SASH1: variants seen among roughly 807,000 people sequenced by gnomAD.
SASH1 encodes the protein SAM and SH3 domain containing 1.
A neutral mutation model predicts 125.2 loss-of-function variants in SASH1; 44 were observed. The ratio of observed to expected loss-of-function variants is 0.35; its 90% CI spans 0.28 to 0.45. The LOEUF (loss-of-function observed/expected upper bound fraction) is 0.45, where lower values mean the gene tolerates loss of function less well. Ranked by LOEUF, SASH1 falls within the 20% of genes least tolerant of loss-of-function variation. SASH1 has a pLI of 1.00. For missense variants in SASH1, 1,426 were observed against 1,614.5 expected, an observed-to-expected ratio of 0.88 and a Z score of 2.00; for synonymous variants, 639 against 649.1, an observed-to-expected ratio of 0.98 and a Z score of 0.24.
intron 1 of SASH1, among the ~76,000 whole-genome samples, chr6:148,326,905 C>T (rs889145327): frequency 3.3e-5 from 5 of 152,160 alleles, no homozygotes; most frequent in East Asian, 1.9e-4. Context: ...CTACCTCCAC[C>T]GTCACATCCT....
chr6:148,347,470 TACTCCA>T (rs1781558545), intron 1 of SASH1, among the ~76,000 whole-genome samples: 2 of 152,196 alleles, frequency 1.3e-5, no homozygotes, highest in African/African-American at 4.8e-5. Flanking sequence ...TCTTACTATT[TACTCCA>T]TTCCTAAAAA....
chr6:148,231,306 C>A, the SASH1 span, among the ~76,000 whole-genome samples: 12 of 152,310 alleles, frequency 7.9e-5, no homozygotes, highest in African/African-American at 2.9e-4. Context: ...AGGTTTATTT[C>A]TGGACCCTCA....
intron 2 of SASH1, among the ~76,000 whole-genome samples, chr6:148,399,237 TTTTGA>T (rs1784077040): frequency 1.7e-5 from 2 of 117,810 alleles, no homozygotes; most frequent in African/African-American, 6.9e-5. Flanking sequence ...TTTTTTTTTT[TTTTGA>T]GTTTCACTCT....
At chr6:148,300,442 ATTT>A (rs34126353) in intron 1 of SASH1, among the ~76,000 whole-genome samples, 1,707 of 108,206 alleles carry the variant, frequency 0.016, 17 homozygotes, top group Middle Eastern at 0.042. Context: ...CAGAAACAAG[ATTT>A]TTTTTTTTTT....
intron 1 of SASH1, among the ~76,000 whole-genome samples, chr6:148,275,508 CCAGT>C (rs1779160425): frequency 6.6e-6 from 1 of 152,232 alleles, no homozygotes; most frequent in Non-Finnish European, 1.5e-5. Context: ...CTGTGATGCC[CCAGT>C]CAAACTTCCA....
chr6:148,382,920 C>T (rs1369609713), intron 1 of SASH1, among the ~76,000 whole-genome samples: 2 of 152,226 alleles, frequency 1.3e-5, no homozygotes, highest in Non-Finnish European at 2.9e-5. Flanking sequence ...TGACCTAATA[C>T]GTCCCTCTGG....
intron 4 of SASH1, among the ~76,000 whole-genome samples, chr6:148,442,934 C>T (rs960126339): frequency 6.6e-6 from 1 of 151,874 alleles, no homozygotes; most frequent in Non-Finnish European, 1.5e-5. Context: ...CCACCATACC[C>T]GGCTACTATT....
chr6:148,421,202 A>G (rs1209320471), intron 2 of SASH1, among the ~76,000 whole-genome samples: 2 of 140,732 alleles, frequency 1.4e-5, no homozygotes, highest in African/African-American at 2.5e-5. Context: ...AGAAAGAAAG[A>G]AAGAAAGAAA....
At chr6:148,466,050 A>G (rs1201226348) in intron 4 of SASH1, among the ~76,000 whole-genome samples, 2 of 152,054 alleles carry the variant, frequency 1.3e-5, no homozygotes, top group East Asian at 3.9e-4. Flanking sequence ...TGAAATGGCT[A>G]CCTCCTAAAA....
At chr6:148,436,622 C>T (rs566889269) in intron 2 of SASH1, among the ~76,000 whole-genome samples, 1 of 152,366 alleles carries the variant, frequency 6.6e-6, no homozygotes, top group South Asian at 2.1e-4. Flanking sequence ...TGTGAGGAAG[C>T]CTCAGCAACC....
intron 10 of SASH1, 110 bp from the exon 11 acceptor site, chr6:148,525,181 C>T: frequency 1.3e-6 from 1 of 750,620 alleles, no homozygotes; most frequent in Non-Finnish European, 2.4e-6. Flanking sequence ...TCATCCTGTC[C>T]ACGTATTTGT....
chr6:148,456,734 C>T (rs758555009), intron 4 of SASH1, among the ~76,000 whole-genome samples: 82 of 151,858 alleles, frequency 5.4e-4, no homozygotes, highest in East Asian at 1.2e-3. Context: ...TGGTGGTGCG[C>T]GCCTGTAGTC....
intron 1 of SASH1, among the ~76,000 whole-genome samples, chr6:148,351,727 G>C (rs993505696): frequency 1.4e-5 from 2 of 141,656 alleles, no homozygotes; most frequent in African/African-American, 5.3e-5. Context: ...AAGCACCCTT[G>C]ACTTTGTTGA....
In SASH1 at chr6:148,399,210, G is replaced by A. The variant is rs979988641; in HGVS notation, c.285+8948G>A. Among the ~76,000 whole-genome samples, 8 of 128,010 alleles carry A rather than the reference G, an allele frequency of 6.2e-5. No homozygotes were observed. In the South Asian group the frequency reaches 1.5e-3, roughly 25 times the overall value. The allele number at this position is 128,010 out of a possible 152,430, so 84.0% of individuals were successfully genotyped here. ...TTTCAAATGTGCATCAACAATTTCAGCTTCTTTTTTTTTTTTTTTTTTTTT... is the reference window on the plus strand; with the variant it reads ...TTTCAAATGTGCATCAACAATTTCAACTTCTTTTTTTTTTTTTTTTTTTTT... On this transcript the variant is annotated intron_variant, in intron 2 of 19. Coordinates refer to ENST00000367467, the MANE Select transcript of SASH1 (RefSeq NM_015278.5).
intron 6 of SASH1, among the ~76,000 whole-genome samples, chr6:148,473,333 A>C (rs1778197558): frequency 6.6e-6 from 1 of 151,968 alleles, no homozygotes; most frequent in Admixed American, 6.6e-5. Flanking sequence ...GCTCACTGCA[A>C]CCTTCACCTC....
the SASH1 span, among the ~76,000 whole-genome samples, chr6:148,249,867 G>A: frequency 2.6e-5 from 4 of 152,210 alleles, no homozygotes; most frequent in African/African-American, 9.6e-5. Flanking sequence ...AGACAGTAAT[G>A]GTCATTATTT....
At chr6:148,406,848 CAG>C (rs1288477209) in intron 2 of SASH1, among the ~76,000 whole-genome samples, 1 of 150,234 alleles carries the variant, frequency 6.7e-6, no homozygotes, top group Non-Finnish European at 1.5e-5. Context: ...AAGGGAGGAG[CAG>C]AGAGAATCAG....
rs2114632086 is a variant in SASH1, at chr6:148,343,031, G to A, written c.-37G>A. The A allele has an allele frequency of 1.7e-6, 2 of 1,189,684 alleles. No individual in the cohort carries two copies. The highest frequency in any genetic ancestry group is 2.1e-6 in the Non-Finnish European group (2 of 961,442). 73.7% of individuals were successfully genotyped at this position (1,189,684 alleles called of 1,614,324 possible). On this transcript the variant is annotated 5_prime_UTR_variant, in exon 1 of 20. Transcript: ENST00000367467. ...GCGGGTGCGGGGCGAGGGCGCCGCG[G>A]GGACTGGGACGCACGGCCCGCGCGC...
intron 4 of SASH1, among the ~76,000 whole-genome samples, chr6:148,452,279 A>G (rs1777132761): frequency 6.6e-6 from 1 of 152,244 alleles, no homozygotes; most frequent in Non-Finnish European, 1.5e-5. Flanking sequence ...CATGAGGGCC[A>G]GGTCACTGGC....
Sources: allele counts gnomAD v4.1 joint callset (sites outside exome capture counted in the v4.1 genomes callset), GRCh38; gene constraint gnomAD v4.1.1; transcripts MANE v1.5; gene names NCBI Gene and HGNC (gene_info 2026-07-23, HGNC 2026-07-21).